Variants in HECW1 observed in about 807,000 individuals in gnomAD.
HECW1 encodes HECT, C2 and WW domain containing E3 ubiquitin protein ligase 1, also known as E3 ubiquitin-protein ligase HECW1.
HECW1 carries 61 observed loss-of-function variants against 182.3 expected under a neutral mutation model. That is an observed-to-expected ratio of 0.33 (90% confidence interval 0.27 to 0.41). The LOEUF is 0.41. Ranked by LOEUF, HECW1 falls within the 10% of genes least tolerant of loss-of-function variation. The probability of loss-of-function intolerance (pLI) is 1.00; values close to 1 mark genes in which losing one functional copy is unlikely to be tolerated. For synonymous variants in HECW1, 859 were observed against 832.6 expected, an observed-to-expected ratio of 1.03 and a Z score of -0.55; for missense variants, 1,739 against 2,108.9, an observed-to-expected ratio of 0.82 and a Z score of 3.44.
At position 43,562,106 on chromosome 7, in the gene HECW1, A is replaced by G; in HGVS notation, c.*180A>G. The G allele has an allele frequency of 1.7e-6, 1 of 573,948 alleles. No individual in the cohort carries two copies. Among genetic ancestry groups the G allele is most frequent in the Non-Finnish European group, 3.1e-6 (1 of 318,246 alleles). The allele number at this position is 573,948 out of a possible 1,614,324, so 35.6% of individuals were successfully genotyped here. A position where few individuals can be genotyped will look rare whatever the true frequency, so the allele number is the denominator to read the frequency against. ...GAAGAACTGCCTTCTTCTAAGATCT[A>G]ACCTTCAGGCTTCTCTCCTCTGTTT... On this transcript the variant is annotated 3_prime_UTR_variant, in exon 30 of 30. Transcript: ENST00000395891.
At position 43,540,024 on chromosome 7, in the gene HECW1, G is replaced by A. The variant is rs190461418; in HGVS notation, c.4020-1139G>A. On this transcript the variant is annotated intron_variant, in intron 24 of 29. Transcript: ENST00000395891. ...TTCACTGAGGTTTTGTTTGACTCTA[G>A]TCTCTTCAGAGTCAATAACACTAGC... is the stretch of plus-strand genomic sequence containing the variant. Among the ~76,000 whole-genome samples, 44 of 152,258 alleles carry A rather than the reference G, an allele frequency of 2.9e-4. 1 individual carries two copies. The highest frequency in any genetic ancestry group is 3.4e-3 in the Middle Eastern group (1 of 294).
intron 3 of HECW1, among the ~76,000 whole-genome samples, chr7:43,247,273 G>A (rs1290800907): frequency 6.6e-6 from 1 of 152,296 alleles, no homozygotes; most frequent in East Asian, 1.9e-4. Context: ...ATTTCCTTCT[G>A]TTTAGGGCAT....
intron 24 of HECW1, among the ~76,000 whole-genome samples, chr7:43,535,497 C>T (rs1251278022): frequency 2.6e-5 from 4 of 152,072 alleles, no homozygotes; most frequent in Non-Finnish European, 5.9e-5. Flanking sequence ...TTGCTCATTC[C>T]CAGTTCACAG....
At chr7:43,263,602 G>A (rs1232643872) in intron 3 of HECW1, among the ~76,000 whole-genome samples, 6 of 151,934 alleles carry the variant, frequency 3.9e-5, no homozygotes, top group Non-Finnish European at 7.4e-5. Context: ...CTTGTGATCC[G>A]CCCGCCTCAG....
At position 43,292,117 on chromosome 7, in the gene HECW1, T is replaced by C. The variant is rs975083666; in HGVS notation, c.28-19646T>C. ...TACAAAAGGGTAACAGTTTCAGAGC[T>C]TCTCTGCATCTGCAGTTTCTCAAAA... On this transcript the variant is annotated intron_variant, in intron 3 of 29. Coordinates refer to ENST00000395891, the MANE Select transcript of HECW1 (RefSeq NM_015052.5). 2.0e-5 allele frequency among the ~76,000 whole-genome samples: 3 copies of C among 152,206 alleles called. 1 individual carries two copies. The highest frequency in any genetic ancestry group is 4.4e-5 in the Non-Finnish European group (3 of 68,034).
At chr7:43,225,545 A>T (rs972117834) in intron 2 of HECW1, among the ~76,000 whole-genome samples, 2 of 152,220 alleles carry the variant, frequency 1.3e-5, no homozygotes, top group East Asian at 3.8e-4. Context: ...TTTGGAATAT[A>T]CATCAAGGAA....
In HECW1 at chr7:43,463,740, CAGG is replaced by C; in HGVS notation, c.2739_2741del (p.Gly918del). ...AGCCAAAGCTGCGAGCAAGCCCCAG[CAGG>C]AGGAGGCGGAGGTGGAGGGAGTGAC... On this transcript the variant is annotated inframe_deletion, in exon 14 of 30. Coordinates refer to ENST00000395891, the MANE Select transcript of HECW1 (RefSeq NM_015052.5). The C allele has an allele frequency of 1.9e-6, 3 of 1,613,988 alleles. No individual in the cohort carries two copies. Among genetic ancestry groups the C allele is most frequent in the South Asian group, 2.2e-5 (2 of 91,078 alleles).
chr7:43,540,174 G>C (rs1201113407), intron 24 of HECW1, among the ~76,000 whole-genome samples: 1 of 152,164 alleles, frequency 6.6e-6, no homozygotes, highest in African/African-American at 2.4e-5. Context: ...CAGCTATAGA[G>C]TAGGAAACCC....
intron 6 of HECW1, among the ~76,000 whole-genome samples, chr7:43,381,266 G>A (rs996521357): frequency 7.9e-5 from 12 of 152,124 alleles, no homozygotes; most frequent in African/African-American, 1.9e-4. Flanking sequence ...TCTTCTACCT[G>A]TGGATGGCAT....
chr7:43,401,104 C>G (rs2075389627), intron 7 of HECW1, among the ~76,000 whole-genome samples: 1 of 152,190 alleles, frequency 6.6e-6, no homozygotes, highest in Non-Finnish European at 1.5e-5. Flanking sequence ...GTCCCTTTTA[C>G]CATGTAAGGT....
chr7:43,358,239 G>A (rs1815411900), intron 5 of HECW1, among the ~76,000 whole-genome samples: 1 of 152,150 alleles, frequency 6.6e-6, no homozygotes, highest in South Asian at 2.1e-4. Flanking sequence ...TAACTAGATA[G>A]ATGGCTTACT....
intron 17 of HECW1, among the ~76,000 whole-genome samples, chr7:43,490,842 A>G (rs900315463): frequency 4.6e-5 from 7 of 152,056 alleles, no homozygotes; most frequent in Non-Finnish European, 7.4e-5. Context: ...ACTGCAACCT[A>G]TGCCTCCTGG....
In HECW1 at chr7:43,550,564, C is replaced by T. The variant is rs755482398; in HGVS notation, c.4368C>T (p.Thr1456=). 6.8e-6 allele frequency: 11 copies of T among 1,608,616 alleles called. No individual in the cohort carries two copies. Among genetic ancestry groups the T allele is most frequent in the Non-Finnish European group, 8.5e-6 (10 of 1,177,624 alleles). The change falls in exon 27 of 30, where the codon ACC becomes ACT. Residue 1456 remains threonine (T), a synonymous_variant. Coordinates refer to ENST00000395891, the MANE Select transcript of HECW1 (RefSeq NM_015052.5). ...TGGAGCGCGGCGTGGTACAGCAGAC[C>T]GAGGCGCTGGTGCGCGGCTTCTACG... ...WRVERGVVQQ[T]EALVRGFYEV...
At chr7:43,145,172 G>C (rs772309070) in intron 2 of HECW1, among the ~76,000 whole-genome samples, 1 of 152,078 alleles carries the variant, frequency 6.6e-6, no homozygotes, top group Non-Finnish European at 1.5e-5. Context: ...TGAATCTTGA[G>C]ATATGGGTTG....
intron 2 of HECW1, among the ~76,000 whole-genome samples, chr7:43,131,230 A>C (rs1408094335): frequency 6.6e-6 from 1 of 152,200 alleles, no homozygotes; most frequent in Admixed American, 6.5e-5. Context: ...TTGCCACTGC[A>C]CTCCAGCCTG....
At chr7:43,360,331 C>G (rs1206364412) in intron 5 of HECW1, among the ~76,000 whole-genome samples, 1 of 152,050 alleles carries the variant, frequency 6.6e-6, no homozygotes, top group East Asian at 1.9e-4. Context: ...CCTGCCTCAG[C>G]CTCCCAAGTA....
At chr7:43,171,809 G>T (rs992460614) in intron 2 of HECW1, among the ~76,000 whole-genome samples, 2 of 152,042 alleles carry the variant, frequency 1.3e-5, no homozygotes, top group African/African-American at 4.8e-5. Context: ...CAGTAAGATG[G>T]CACTTGTAGA....
chr7:43,426,854 G>A (rs2076378009), intron 8 of HECW1, among the ~76,000 whole-genome samples: 1 of 151,662 alleles, frequency 6.6e-6, no homozygotes, highest in African/African-American at 2.4e-5. Context: ...CATTATATAT[G>A]CTTTCTATTT....
intron 4 of HECW1, among the ~76,000 whole-genome samples, chr7:43,317,582 G>A (rs1421247481): frequency 1.3e-5 from 2 of 152,200 alleles, no homozygotes; most frequent in Admixed American, 1.3e-4. Flanking sequence ...TGATTCCTAA[G>A]CAAAGACTAG....
Sources: allele counts gnomAD v4.1 joint callset (sites outside exome capture counted in the v4.1 genomes callset), GRCh38; gene constraint gnomAD v4.1.1; transcripts MANE v1.5; gene names NCBI Gene and HGNC (gene_info 2026-07-23, HGNC 2026-07-21).